FHAD1: variants seen among roughly 807,000 people sequenced by gnomAD.
FHAD1 encodes the protein forkhead-associated domain-containing protein 1.
A neutral mutation model predicts 191.3 loss-of-function variants in FHAD1; 146 were observed. The observed-to-expected ratio is 0.76, with a 90% CI of 0.67 to 0.88. The LOEUF is 0.88. FHAD1 is among the 40% of genes least tolerant of loss of function. The probability of loss-of-function intolerance (pLI) is 0.00; values close to 1 mark genes in which losing one functional copy is unlikely to be tolerated. For synonymous variants in FHAD1, 616 were observed against 672.3 expected (o/e 0.92, Z 1.29); for missense variants, 1,635 against 1,785.8 (o/e 0.92, Z 1.52).
intron 3 of FHAD1, among the ~76,000 whole-genome samples, chr1:15,278,622 T>C (rs1309673533): frequency 1.3e-5 from 2 of 152,068 alleles, no homozygotes; most frequent in Non-Finnish European, 2.9e-5. Flanking sequence ...TACAGGTGTG[T>C]GCCACCATGC....
intron 1 of FHAD1, among the ~76,000 whole-genome samples, chr1:15,237,244 C>T (rs888316111): frequency 1.3e-5 from 2 of 152,194 alleles, no homozygotes; most frequent in African/African-American, 4.8e-5. Context: ...AGTATTTTAA[C>T]ACACTGTGAA....
chr1:15,241,380 C>T (rs749292850), intron 1 of FHAD1, among the ~76,000 whole-genome samples: 1 of 152,146 alleles, frequency 6.6e-6, no homozygotes, highest in Non-Finnish European at 1.5e-5. Context: ...ACTGGCCAGG[C>T]GCAGTGGCTC....
At chr1:15,374,860 G>T (rs10159174) in intron 27 of FHAD1, among the ~76,000 whole-genome samples, 78,026 of 138,296 alleles carry the variant, frequency 0.56, 22,065 homozygotes, top group East Asian at 0.73. Context: ...TTTTTTTTTT[G>T]TTTGTTTTTT....
At position 15,362,013 on chromosome 1, in the gene FHAD1, A is replaced by G. The variant is rs148886718; in HGVS notation, c.2963-629A>G. 1.8e-4 allele frequency among the ~76,000 whole-genome samples: 27 copies of G among 149,350 alleles called. No individual in the cohort carries two copies. The East Asian group carries it at 4.9e-3, about 27-fold the overall frequency. On this transcript the variant is annotated intron_variant, in intron 22 of 33. Coordinates refer to ENST00000688493, the MANE Select transcript of FHAD1 (RefSeq NM_001391957.1). Reference sequence around the variant, plus strand: ...GCGAGACTCTGTCTCAAAAAAAAAAAAAAGAAAGAGAGAGATTGAGCTGGG... The same window carrying G: ...GCGAGACTCTGTCTCAAAAAAAAAAGAAAGAAAGAGAGAGATTGAGCTGGG...
chr1:15,354,676 G>GA (rs34552889), intron 20 of FHAD1, among the ~76,000 whole-genome samples: 7 of 148,710 alleles, frequency 4.7e-5, no homozygotes, highest in South Asian at 2.1e-4. Flanking sequence ...TGAGACTAAT[G>GA]AAAAAAAAAA....
At chr1:15,375,794 A>G (rs555919534) in intron 28 of FHAD1, 64 bp downstream of exon 28, 2 of 1,455,866 alleles carry the variant, frequency 1.4e-6, no homozygotes, top group East Asian at 2.5e-5. Context: ...GAGGGCAGAC[A>G]CTAGCTTCGT....
At position 15,289,524 on chromosome 1, in the gene FHAD1, A is replaced by T; in HGVS notation, c.426A>T (p.Ala142=). Residue 142 remains alanine, a synonymous_variant, in exon 4 of 34, where the codon GCA becomes GCT. Coordinates refer to ENST00000688493, the MANE Select transcript of FHAD1 (RefSeq NM_001391957.1). The surrounding 1 kb of genome is among the most constrained non-coding windows in gnomAD (Gnocchi z 4.2). ...HIPFHQGVQP[A]PMQRSWSQAF... ...CCTTCCACCAAGGTGTCCAGCCAGC[A>T]CCGATGCAAAGGAGCTGGTCCCAGG... The T allele has an allele frequency of 1.3e-6, 2 of 1,551,798 alleles. No individual in the cohort carries two copies. The highest frequency in any genetic ancestry group is 1.7e-6 in the Non-Finnish European group (2 of 1,147,030).
At chr1:15,357,441 G>A (rs577478421) in intron 20 of FHAD1, among the ~76,000 whole-genome samples, 86 of 152,146 alleles carry the variant, frequency 5.7e-4, no homozygotes, top group Non-Finnish European at 1.0e-3. Context: ...TGGCCAACAT[G>A]GTGAAACTCC....
At chr1:15,376,773 C>T (rs1168895349) in intron 28 of FHAD1, among the ~76,000 whole-genome samples, 1 of 152,188 alleles carries the variant, frequency 6.6e-6, no homozygotes, top group Non-Finnish European at 1.5e-5. Context: ...TGGTGGCTCA[C>T]GCCCATCATC....
At chr1:15,331,171 G>C (rs977225389) in intron 14 of FHAD1, among the ~76,000 whole-genome samples, 2 of 152,092 alleles carry the variant, frequency 1.3e-5, no homozygotes, top group Admixed American at 1.3e-4. Flanking sequence ...CCAGGTTTGA[G>C]GGGGAAGAGG....
chr1:15,251,918 C>A, intron 2 of FHAD1, 41 bp downstream of exon 2: 1 of 1,480,706 alleles, frequency 6.8e-7, no homozygotes, highest in Non-Finnish European at 9.2e-7. Context: ...CTCCCTGACC[C>A]CTTCCTTCTC....
chr1:15,253,575 T>C (rs1647050211), intron 2 of FHAD1, among the ~76,000 whole-genome samples: 1 of 152,184 alleles, frequency 6.6e-6, no homozygotes, highest in Non-Finnish European at 1.5e-5. Flanking sequence ...CCTTTTTTGT[T>C]TGTGATGGTA....
intron 2 of FHAD1, among the ~76,000 whole-genome samples, chr1:15,265,966 A>G (rs1348322989): frequency 1.1e-3 from 95 of 85,636 alleles, no homozygotes; most frequent in Non-Finnish European, 1.7e-3. Context: ...GCAAGACTCC[A>G]TCTCAAAAAA....
rs770990473 is a variant in FHAD1, at chr1:15,382,179, A to C, written c.4174A>C (p.Ile1392Leu). 1 of 1,551,344 alleles carries C rather than the reference A, an allele frequency of 6.4e-7. No homozygotes were observed. Among genetic ancestry groups the C allele is most frequent in the Non-Finnish European group, 8.7e-7 (1 of 1,146,996 alleles). Residue 1392 changes from isoleucine to leucine, a missense_variant, in exon 31 of 34, where the codon ATC (isoleucine) becomes CTC (leucine). Physicochemically the swap from Ile to Leu is conservative, Grantham distance 5. Coordinates refer to ENST00000688493, the MANE Select transcript of FHAD1 (RefSeq NM_001391957.1). Reference protein sequence around the residue: ...LCQEKRINRAIRQQKESVEEH... With the variant: ...LCQEKRINRALRQQKESVEEH... ...CCAGGAGAAGAGGATCAACAGGGCC[A>C]TCCGGCAGCAGAAGGTGAGGCGCTG...
downstream of FHAD1, among the ~76,000 whole-genome samples, chr1:15,402,357 T>C (rs1707148658): frequency 6.6e-6 from 1 of 152,216 alleles, no homozygotes; most frequent in Non-Finnish European, 1.5e-5. Flanking sequence ...TATTATACTT[T>C]AAGTTTTAGG....
intron 6 of FHAD1, 143 bp from the exon 7 acceptor site, chr1:15,308,470 A>T: frequency 9.1e-7 from 1 of 1,103,432 alleles, no homozygotes; most frequent in Non-Finnish European, 1.3e-6. Context: ...TGTCCCTTCC[A>T]CTGGTTAAAA....
downstream of FHAD1, among the ~76,000 whole-genome samples, chr1:15,398,933 G>A (rs1439120288): frequency 6.6e-6 from 1 of 151,842 alleles, no homozygotes; most frequent in East Asian, 1.9e-4. Context: ...CCATTCTTCA[G>A]CCTCAGCCTC....
intron 1 of FHAD1, among the ~76,000 whole-genome samples, chr1:15,239,275 C>G (rs1400825830): frequency 6.6e-6 from 1 of 152,050 alleles, no homozygotes; most frequent in Non-Finnish European, 1.5e-5. Flanking sequence ...CTCTGAGCAC[C>G]AGGGATGCTT....
chr1:15,255,651 A>G (rs911377800), intron 2 of FHAD1, among the ~76,000 whole-genome samples: 2 of 150,104 alleles, frequency 1.3e-5, no homozygotes, highest in Admixed American at 6.7e-5. Flanking sequence ...AGGTCAGAGG[A>G]TCTGCAGAGC....
Sources: allele counts gnomAD v4.1 joint callset (sites outside exome capture counted in the v4.1 genomes callset), GRCh38; gene constraint gnomAD v4.1.1; non-coding constraint Gnocchi (gnomAD v3.1); transcripts MANE v1.5; gene names NCBI Gene and HGNC (gene_info 2026-07-23, HGNC 2026-07-21).